The following SLC24A2 variants were observed in gnomAD, a reference collection of about 807,000 sequenced individuals.
SLC24A2 encodes sodium/potassium/calcium exchanger 2.
In SLC24A2, 36 loss-of-function variants were observed where a neutral mutation model predicts 62.0. That is an observed-to-expected ratio of 0.58 (90% confidence interval 0.44 to 0.77). The LOEUF is 0.77. Ranked by LOEUF, SLC24A2 falls within the 30% of genes least tolerant of loss-of-function variation. SLC24A2 has a pLI of 0.00. For missense variants in SLC24A2, 846 were observed against 817.9 expected, an observed-to-expected ratio of 1.03 and a Z score of -0.42; for synonymous variants, 358 against 294.0, an observed-to-expected ratio of 1.22 and a Z score of -2.23.
intron 7 of SLC24A2, among the ~76,000 whole-genome samples, chr9:19,553,009 C>A (rs899688465): frequency 1.3e-5 from 2 of 152,142 alleles, no homozygotes; most frequent in Non-Finnish European, 2.9e-5. Context: ...GCCAACAGGG[C>A]TCTCCATGGA....
intron 2 of SLC24A2, among the ~76,000 whole-genome samples, chr9:19,711,090 G>C (rs2118595484): frequency 6.6e-6 from 1 of 152,314 alleles, no homozygotes; most frequent in South Asian, 2.1e-4. Flanking sequence ...TAGCAGTTCT[G>C]TAAGTAAGGT....
intron 2 of SLC24A2, among the ~76,000 whole-genome samples, chr9:19,712,737 A>G (rs537773400): frequency 6.6e-6 from 1 of 152,176 alleles, no homozygotes; most frequent in East Asian, 1.9e-4. Context: ...CTTATCCTGG[A>G]ATGCTCTTTC....
At chr9:20,075,606 G>A in the SLC24A2 span, among the ~76,000 whole-genome samples, 1 of 152,098 alleles carries the variant, frequency 6.6e-6, no homozygotes, top group South Asian at 2.1e-4. Context: ...CAGATGGCTT[G>A]TAGGTGTGGG....
chr9:19,693,093 CTTAT>C (rs1047351814), intron 2 of SLC24A2, among the ~76,000 whole-genome samples: 10 of 151,966 alleles, frequency 6.6e-5, no homozygotes, highest in African/African-American at 2.2e-4. Context: ...TATTTATTTA[CTTAT>C]TTATTTTTAT....
chr9:20,068,690 C>T, the SLC24A2 span, among the ~76,000 whole-genome samples: 1,414 of 152,142 alleles, frequency 9.3e-3, 29 homozygotes, highest in African/African-American at 0.032. Context: ...ATGATGTCTC[C>T]GTGGAAGTGT....
At chr9:20,221,487 A>C in the SLC24A2 span, among the ~76,000 whole-genome samples, 1 of 152,110 alleles carries the variant, frequency 6.6e-6, no homozygotes, top group South Asian at 2.1e-4. Flanking sequence ...AGGAGTTGTC[A>C]GATGTTAAGA....
chr9:19,786,596 TTAAATC>T lies in SLC24A2; in HGVS notation c.265_270del (p.Asp89_Leu90del), dbSNP rs747759651. 5 of 1,614,150 alleles carry T rather than the reference TTAAATC, an allele frequency of 3.1e-6. No individual in the cohort carries two copies. The highest frequency in any genetic ancestry group is 4.5e-5 in the East Asian group (2 of 44,884). ...GGAGTATAATCCAGAATCTTGTCAT[TTAAATC>T]TAAGAGAGTTCTCTGATGGTAACCC... On this transcript the variant is annotated inframe_deletion, in exon 2 of 11. Transcript: ENST00000341998. The surrounding 1 kb of genome is among the most constrained non-coding windows in gnomAD (Gnocchi z 5.0).
intron 2 of SLC24A2, among the ~76,000 whole-genome samples, chr9:19,748,503 G>A (rs1376117060): frequency 1.3e-5 from 2 of 152,142 alleles, no homozygotes; most frequent in Non-Finnish European, 2.9e-5. Context: ...AGATCTGTGA[G>A]TCACAGCTGG....
the SLC24A2 span, among the ~76,000 whole-genome samples, chr9:19,954,844 TG>T: frequency 6.6e-6 from 1 of 152,144 alleles, no homozygotes; most frequent in Non-Finnish European, 1.5e-5. Context: ...GAAGAGAATC[TG>T]GAACCAGTAA....
chr9:19,951,240 G>A, the SLC24A2 span, among the ~76,000 whole-genome samples: 1 of 140,580 alleles, frequency 7.1e-6, no homozygotes, highest in Non-Finnish European at 1.6e-5. Flanking sequence ...GTGTGTGTGT[G>A]TGTGTGTGTG....
At chr9:20,129,542 G>T in the SLC24A2 span, among the ~76,000 whole-genome samples, 1 of 152,018 alleles carries the variant, frequency 6.6e-6, no homozygotes, top group Non-Finnish European at 1.5e-5. Context: ...ACCACCAGCT[G>T]ATGAACAGAT....
the SLC24A2 span, among the ~76,000 whole-genome samples, chr9:19,836,363 T>A: frequency 6.6e-6 from 1 of 151,412 alleles, no homozygotes; most frequent in African/African-American, 2.4e-5. Flanking sequence ...AGAGAAGAAT[T>A]AAACAGACGC....
At chr9:19,598,014 A>G (rs1039733621) in intron 4 of SLC24A2, among the ~76,000 whole-genome samples, 2 of 152,162 alleles carry the variant, frequency 1.3e-5, no homozygotes, top group African/African-American at 4.8e-5. Context: ...GACTCCCCCT[A>G]TAATGGAAAC....
intron 2 of SLC24A2, among the ~76,000 whole-genome samples, chr9:19,772,174 A>G (rs543457536): frequency 2.6e-5 from 4 of 152,292 alleles, no homozygotes; most frequent in African/African-American, 4.8e-5. Context: ...CCTGGGTCCA[A>G]TGTTCAAGTA....
In SLC24A2 at chr9:19,761,681, T is replaced by C. The variant is rs560996674; in HGVS notation, c.930+24256A>G. ...CATGTGTGATGCTCCCCTTCCTATG[T>C]CCACGTGTTCTCATTGTTCAATTCC... is the stretch of plus-strand genomic sequence containing the variant. On this transcript the variant is annotated intron_variant, in intron 2 of 10. Coordinates refer to ENST00000341998, the MANE Select transcript of SLC24A2 (RefSeq NM_020344.4). Among the ~76,000 whole-genome samples, 4 of 152,050 alleles carry C rather than the reference T, an allele frequency of 2.6e-5. No individual in the cohort carries two copies. The East Asian group carries it at 5.8e-4, about 22-fold the overall frequency.
At chr9:19,839,868 GTA>G in the SLC24A2 span, among the ~76,000 whole-genome samples, 9 of 152,166 alleles carry the variant, frequency 5.9e-5, no homozygotes, top group African/African-American at 2.2e-4. Context: ...ACTGCCTACA[GTA>G]TTAATTACAG....
At chr9:19,560,653 C>T (rs2132797018) in intron 7 of SLC24A2, among the ~76,000 whole-genome samples, 1 of 152,136 alleles carries the variant, frequency 6.6e-6, no homozygotes. Flanking sequence ...TTTAAGCCAC[C>T]AAGTCTCTGG....
chr9:20,100,250 A>AAAACAT, the SLC24A2 span, among the ~76,000 whole-genome samples: 1 of 151,966 alleles, frequency 6.6e-6, no homozygotes, highest in Non-Finnish European at 1.5e-5. Context: ...TTGTAGAGAC[A>AAAACAT]GGGTTTTGCC....
chr9:19,592,665 C>T (rs139252676), intron 5 of SLC24A2, among the ~76,000 whole-genome samples: 25 of 152,298 alleles, frequency 1.6e-4, no homozygotes, highest in Non-Finnish European at 3.5e-4. Context: ...TGTCCCATCA[C>T]ACAAACTTGC....
Sources: gnomAD v4.1 joint callset for allele counts (sites outside exome capture counted in the v4.1 genomes callset) on GRCh38, gnomAD v4.1.1 for gene constraint, Gnocchi (gnomAD v3.1) non-coding constraint, MANE v1.5 for transcripts, NCBI Gene and HGNC (gene_info 2026-07-23, HGNC 2026-07-21) for gene names.